ROBO1: variants seen among roughly 807,000 people sequenced by gnomAD.
ROBO1 encodes roundabout guidance receptor 1.
A neutral mutation model predicts 195.9 loss-of-function variants in ROBO1; 149 were observed. The observed-to-expected ratio is 0.76, with a 90% CI of 0.67 to 0.87. ROBO1 has a LOEUF of 0.87. Among genes scored for constraint, ROBO1 ranks in the 40% least tolerant of loss-of-function variants. The pLI is 0.00. For synonymous variants in ROBO1, 816 were observed against 733.2 expected, an observed-to-expected ratio of 1.11 and a Z score of -1.82; for missense variants, 1,933 against 2,068.3, an observed-to-expected ratio of 0.93 and a Z score of 1.27.
chr3:79,030,224 G>A (rs1489350342), intron 3 of ROBO1, among the ~76,000 whole-genome samples: 1 of 152,098 alleles, frequency 6.6e-6, no homozygotes, highest in Non-Finnish European at 1.5e-5. Context: ...CCTCCCCATT[G>A]ACATTCTGCA....
chr3:79,116,524 TTC>T (rs2080004744), intron 3 of ROBO1, among the ~76,000 whole-genome samples: 1 of 148,430 alleles, frequency 6.7e-6, no homozygotes, highest in African/African-American at 2.5e-5. Context: ...TCTCTCTTTC[TTC>T]TTTTTTTTTT....
At chr3:78,870,088 C>T (rs2107131947) in intron 4 of ROBO1, among the ~76,000 whole-genome samples, 1 of 152,252 alleles carries the variant, frequency 6.6e-6, no homozygotes, top group Non-Finnish European at 1.5e-5. Flanking sequence ...ATATAGGTCA[C>T]AAACTTAAAG....
chr3:79,079,945 TG>T (rs1349384810), intron 3 of ROBO1, among the ~76,000 whole-genome samples: 1 of 151,754 alleles, frequency 6.6e-6, no homozygotes, highest in East Asian at 1.9e-4. Flanking sequence ...CAGTGTCAAA[TG>T]TTTTTTATTA....
chr3:79,083,864 G>A (rs945048376), intron 3 of ROBO1, among the ~76,000 whole-genome samples: 1 of 152,134 alleles, frequency 6.6e-6, no homozygotes, highest in Non-Finnish European at 1.5e-5. Context: ...TTCATGAAGG[G>A]AATTTCAATT....
intron 2 of ROBO1, among the ~76,000 whole-genome samples, chr3:79,372,083 G>C (rs1390846795): frequency 3.3e-5 from 5 of 152,142 alleles, no homozygotes; most frequent in African/African-American, 1.2e-4. Flanking sequence ...AGAGCTCAGT[G>C]GGTAATGCTG....
intron 3 of ROBO1, among the ~76,000 whole-genome samples, chr3:79,014,234 C>T (rs538971014): frequency 6.6e-6 from 1 of 152,220 alleles, no homozygotes; most frequent in South Asian, 2.1e-4. Context: ...CTTTGGGAGG[C>T]CGAAGCAGGC....
chr3:78,602,045 A>AGTGT (rs10542402), intron 29 of ROBO1, among the ~76,000 whole-genome samples: 68 of 150,012 alleles, frequency 4.5e-4, no homozygotes, highest in African/African-American at 1.7e-3. Context: ...CATGTGTGTG[A>AGTGT]GTGTGTGTGT....
chr3:79,505,752 T>C (rs1168948682), intron 2 of ROBO1, among the ~76,000 whole-genome samples: 1 of 152,188 alleles, frequency 6.6e-6, no homozygotes, highest in Non-Finnish European at 1.5e-5. Context: ...CAAATAATGA[T>C]AACATAAGGT....
chr3:79,018,610 G>T (rs2078017803), intron 3 of ROBO1: 5 of 1,464,862 alleles, frequency 3.4e-6, no homozygotes, highest in South Asian at 1.4e-5. Context: ...GCAATTACTC[G>T]TCGACCTTTC....
intron 2 of ROBO1, among the ~76,000 whole-genome samples, chr3:79,325,342 A>T (rs2034157845): frequency 6.6e-6 from 1 of 152,134 alleles, no homozygotes; most frequent in South Asian, 2.1e-4. Context: ...GTTTTATTTC[A>T]TTCTTCACCC....
intron 2 of ROBO1, among the ~76,000 whole-genome samples, chr3:79,411,890 G>T (rs2037783425): frequency 6.6e-6 from 1 of 152,090 alleles, no homozygotes; most frequent in South Asian, 2.1e-4. Context: ...AAACAGAAAT[G>T]CACCAAGAAT....
intron 1 of ROBO1, among the ~76,000 whole-genome samples, chr3:79,664,517 A>C (rs1946420493): frequency 6.6e-6 from 1 of 152,046 alleles, no homozygotes. Context: ...AATATGCTTT[A>C]GCATCTCATT....
intron 2 of ROBO1, among the ~76,000 whole-genome samples, chr3:79,459,867 G>T (rs2039747565): frequency 6.6e-6 from 1 of 152,068 alleles, no homozygotes. Context: ...GCAAATGTTG[G>T]TGAATTCTTT....
At chr3:78,678,617 T>C (rs1708587681) in intron 10 of ROBO1, among the ~76,000 whole-genome samples, 3 of 152,062 alleles carry the variant, frequency 2.0e-5, no homozygotes, top group Non-Finnish European at 4.4e-5. Context: ...CTCCCAAGAC[T>C]AAACCAGGAA....
Position 78,668,269 on chromosome 3 carries a change from G to A in ROBO1, c.1664C>T (p.Thr555Ile), listed in dbSNP as rs538422791. The A allele has an allele frequency of 8.7e-6, 14 of 1,613,862 alleles. No homozygotes were observed. The South Asian group carries it at 1.3e-4, about 15-fold the overall frequency. The change falls in exon 13 of 31, where the codon ACT (threonine) becomes ATT (isoleucine). Residue 555 changes from threonine to isoleucine, a missense_variant. This residue lies in a region of ROBO1 where 1,737 missense variants were observed against 1,882.5 expected (regional missense o/e 0.92). Transcript: ENST00000464233. ...FGVPVQPPRP[T>I]DPNLIPSAPS... Reference sequence around the variant, plus strand: ...GGCACTAGGGATTAAATTTGGGTCAGTAGGTCTTGGAGGCTGAACTGGAAC... The same window carrying A: ...GGCACTAGGGATTAAATTTGGGTCAATAGGTCTTGGAGGCTGAACTGGAAC...
chr3:79,511,525 A>C (rs1459307466), intron 2 of ROBO1, among the ~76,000 whole-genome samples: 2 of 152,102 alleles, frequency 1.3e-5, no homozygotes, highest in Non-Finnish European at 2.9e-5. Flanking sequence ...CAGTCTGTAG[A>C]TAGGACACCT....
At chr3:79,575,413 CAAAT>C (rs1174801255) in intron 2 of ROBO1, among the ~76,000 whole-genome samples, 2 of 107,452 alleles carry the variant, frequency 1.9e-5, no homozygotes, top group Admixed American at 1.0e-4. Context: ...ATATAGATAA[CAAAT>C]ATATATATAA....
intron 2 of ROBO1, among the ~76,000 whole-genome samples, chr3:79,144,312 C>T (rs2080595614): frequency 6.6e-6 from 1 of 151,930 alleles, no homozygotes; most frequent in Non-Finnish European, 1.5e-5. Flanking sequence ...AAAAGCCACA[C>T]ATATATTCAC....
rs1354120909 is a variant in ROBO1 at position 78,622,269 on chromosome 3, T to C, written c.3876-4228A>G. ...TAATAATGCAGGTCTTTAATGTTTA[T>C]ATAATTCGACTTGCAGTGTTATAAT... On this transcript the variant is annotated intron_variant, in intron 26 of 30. Transcript: ENST00000464233. 4.6e-5 allele frequency among the ~76,000 whole-genome samples: 7 copies of C among 152,342 alleles called. No individual in the cohort carries two copies. In the South Asian group the frequency reaches 1.2e-3, roughly 27 times the overall value.
Sources: allele counts gnomAD v4.1 joint callset (sites outside exome capture counted in the v4.1 genomes callset), GRCh38; gene constraint gnomAD v4.1.1; regional missense constraint gnomAD v4.1.1; transcripts MANE v1.5; gene names NCBI Gene and HGNC (gene_info 2026-07-23, HGNC 2026-07-21).